The following POLR3H variants were observed in gnomAD, a reference collection of about 807,000 sequenced individuals.
POLR3H encodes the protein DNA-directed RNA polymerase III subunit RPC8.
Under a neutral mutation model 25.5 loss-of-function variants are expected in POLR3H, and 17 were observed. That is an observed-to-expected ratio of 0.67 (90% CI 0.46 to 1.00). The LOEUF is 1.00. POLR3H is among the 50% of genes least tolerant of loss of function. The pLI is 0.00. For synonymous variants in POLR3H, 129 were observed against 103.0 expected (o/e 1.25, Z -1.53); for missense variants, 274 against 265.0 (o/e 1.03, Z -0.24).
chr22:41,527,329 C>T lies in POLR3H; in HGVS notation c.*1954G>A, dbSNP rs747282200. On this transcript the variant is annotated 3_prime_UTR_variant, in exon 6 of 6. Transcript: ENST00000355209. The stretch of plus-strand genomic sequence containing the variant: ...GGGTGGTGATCGGAGACGAGAACTA[C>T]GGCGAGGGCTCGAGCCGGGAGCATG... 4.3e-5 allele frequency: 69 copies of T among 1,614,040 alleles called. No individual in the cohort carries two copies. The highest frequency in any genetic ancestry group is 1.6e-4 in the Middle Eastern group (1 of 6,076).
chr22:41,527,599 G>GCTTCCCGC lies in POLR3H; in HGVS notation c.*1676_*1683dup. ...TGCACATCCGACGCTCAGCTTCCCGGCTTCCCGCAGGCCCTGCTTCCAGGC... is the reference window on the plus strand; with the variant it reads ...TGCACATCCGACGCTCAGCTTCCCGGCTTCCCGCCTTCCCGCAGGCCCTGCTTCCAGGC... On this transcript the variant is annotated 3_prime_UTR_variant, in exon 6 of 6. Transcript: ENST00000355209. 4.3e-6 allele frequency: 4 copies of GCTTCCCGC among 923,322 alleles called. No individual in the cohort carries two copies. Among genetic ancestry groups the GCTTCCCGC allele is most frequent in the Non-Finnish European group, 6.3e-6 (4 of 630,518 alleles). 57.2% of individuals were successfully genotyped at this position (923,322 alleles called of 1,614,324 possible).
Position 41,544,278 on chromosome 22 carries a change from C to T in POLR3H, c.-177G>A. On this transcript the variant is annotated 5_prime_UTR_variant, in exon 1 of 6. It removes an upstream start codon present in the reference 5' UTR. Transcript: ENST00000355209. ...TCCGGGCCATGCTCCGCTACTACAA[C>T]ATGAGGAAACTGAGGCCAGAGGGAG... 1 of 560,818 alleles carries T rather than the reference C, an allele frequency of 1.8e-6. No homozygotes were observed. Among genetic ancestry groups the T allele is most frequent in the Non-Finnish European group, 3.2e-6 (1 of 314,098 alleles). The allele number at this position is 560,818 out of a possible 1,614,324, so 34.7% of individuals were successfully genotyped here.
Position 41,538,228 on chromosome 22 carries a change from G to T in POLR3H, c.208+2471C>A, listed in dbSNP as rs191439279. ...GGTTCACTGCAAGCTCCGCCTCCTG[G>T]GTTCACTCCATTCTCCTGCCTCAGC... On this transcript the variant is annotated intron_variant, in intron 2 of 5. Transcript: ENST00000355209. Among the ~76,000 whole-genome samples, 369 of 151,694 alleles carry T rather than the reference G, an allele frequency of 2.4e-3. 6 individuals are homozygous for T. The highest frequency in any genetic ancestry group is 0.024 in the South Asian group (114 of 4,792).
rs556356702 is a variant in POLR3H at position 41,526,666 on chromosome 22, CAGG to C, written c.*2614_*2616del. ...CGGTGGTACAGCCGGGTCCCTGCAC[CAGG>C]AGGAGTTAGTGAGAGATATCTTAGG... is the stretch of plus-strand genomic sequence containing the variant. On this transcript the variant is annotated 3_prime_UTR_variant, in exon 6 of 6. Coordinates refer to ENST00000355209, the MANE Select transcript of POLR3H (RefSeq NM_001018050.4). The C allele has an allele frequency of 4.4e-5, 23 of 518,666 alleles. No homozygotes were observed. The highest frequency in any genetic ancestry group is 2.1e-4 in the African/African-American group (11 of 52,366). The allele number at this position is 518,666 out of a possible 1,614,324, so 32.1% of individuals were successfully genotyped here. A position where few individuals can be genotyped will look rare whatever the true frequency, so the allele number is the denominator to read the frequency against.
In POLR3H at chr22:41,529,048, T is replaced by C. The variant is rs996146606; in HGVS notation, c.*235A>G. On this transcript the variant is annotated 3_prime_UTR_variant, in exon 6 of 6. Transcript: ENST00000355209. ...CAGGGTCCAGGAAGGGTCTTTTCAG[T>C]CAAGGTCAGTGGAGGCCCAACAGCC... The C allele has an allele frequency of 3.3e-5, 19 of 568,424 alleles. No individual in the cohort carries two copies. Among genetic ancestry groups the C allele is most frequent in the Admixed American group, 1.6e-4 (5 of 30,646 alleles). 35.2% of individuals were successfully genotyped at this position (568,424 alleles called of 1,614,324 possible).
chr22:41,544,324 C>G lies in POLR3H; in HGVS notation c.-223G>C. On this transcript the variant is annotated 5_prime_UTR_variant, in exon 1 of 6. Transcript: ENST00000355209. ...GGGAGGCACTCTCCGTCCACAGCTC[C>G]GGGTGCGCGCCCGCGCCGCGAGACC... 2.3e-6 allele frequency: 1 copy of G among 434,630 alleles called. No homozygotes were observed. The highest frequency in any genetic ancestry group is 4.1e-6 in the Non-Finnish European group (1 of 244,244). The allele number at this position is 434,630 out of a possible 1,614,324, so 26.9% of individuals were successfully genotyped here. A position where few individuals can be genotyped will look rare whatever the true frequency, so the allele number is the denominator to read the frequency against.
rs79253077 is a variant in POLR3H, at chr22:41,544,377, G to T, written c.-276C>A. 0.028 allele frequency: 8,925 copies of T among 317,548 alleles called. 633 individuals are homozygous for T. The highest frequency in any genetic ancestry group is 0.22 in the Admixed American group (3,901 of 17,430). 19.7% of individuals were successfully genotyped at this position (317,548 alleles called of 1,614,324 possible). A position where few individuals can be genotyped will look rare whatever the true frequency, so the allele number is the denominator to read the frequency against. On this transcript the variant is annotated 5_prime_UTR_variant, in exon 1 of 6. Transcript: ENST00000355209. ...GCCACGCCACGCCACTCCACGCCAC[G>T]CCACTCCACGCCCCGCACCCGCGCC...
rs1288820442 is a variant in POLR3H, at chr22:41,529,219, T to C, written c.*64A>G. On this transcript the variant is annotated 3_prime_UTR_variant, in exon 6 of 6. Coordinates refer to ENST00000355209, the MANE Select transcript of POLR3H (RefSeq NM_001018050.4). ...CCTTAGCATCGGCCTCAGCTGCTGTTGTCTTCACAGCCGGCCATACCACCT... is the reference window on the plus strand; with the variant it reads ...CCTTAGCATCGGCCTCAGCTGCTGTCGTCTTCACAGCCGGCCATACCACCT... The C allele has an allele frequency of 7.0e-7, 1 of 1,436,222 alleles. No homozygotes were observed. The allele number at this position is 1,436,222 out of a possible 1,614,324, so 89.0% of individuals were successfully genotyped here.
chr22:41,541,951 G>A (rs1239105391), intron 1 of POLR3H, among the ~76,000 whole-genome samples: 25 of 152,116 alleles, frequency 1.6e-4, no homozygotes, highest in Non-Finnish European at 4.4e-5. Flanking sequence ...GATGCTCCAC[G>A]GATAAAGACC....
chr22:41,532,372 A>G (rs887446324), intron 3 of POLR3H, among the ~76,000 whole-genome samples: 5 of 152,230 alleles, frequency 3.3e-5, no homozygotes, highest in African/African-American at 1.2e-4. Context: ...CCTAGTCCCC[A>G]AAACCTCTGC....
chr22:41,531,642 G>A (rs2066737731), intron 4 of POLR3H, among the ~76,000 whole-genome samples: 1 of 152,276 alleles, frequency 6.6e-6, no homozygotes. Flanking sequence ...AGTACAGCAA[G>A]GTGAGGGGTG....
rs770468299 is a variant in POLR3H, at chr22:41,526,469, TA to T, written c.*2813del. 5.0e-5 allele frequency: 81 copies of T among 1,605,250 alleles called. No individual in the cohort carries two copies. The highest frequency in any genetic ancestry group is 6.8e-5 in the Non-Finnish European group (80 of 1,174,342). ...CTACTACAAGGTGGGTCAGAGTTGA[TA>T]GGGGCAATGCCAGTGGTCACTCCTG... On this transcript the variant is annotated 3_prime_UTR_variant, in exon 6 of 6. Coordinates refer to ENST00000355209, the MANE Select transcript of POLR3H (RefSeq NM_001018050.4).
At chr22:41,531,970 G>A in intron 4 of POLR3H, 124 bp downstream of exon 4, 3 of 802,468 alleles carry the variant, frequency 3.7e-6, no homozygotes, top group Non-Finnish European at 4.2e-6. Context: ...GCACAGGCGA[G>A]GGGCAGGCAC....
chr22:41,541,225 C>G (rs2066924094), intron 1 of POLR3H, among the ~76,000 whole-genome samples: 1 of 152,190 alleles, frequency 6.6e-6, no homozygotes, highest in African/African-American at 2.4e-5. Flanking sequence ...TAGTGAGGAC[C>G]AGTGACAGGA....
At chr22:41,537,372 A>C (rs1483896515) in intron 2 of POLR3H, among the ~76,000 whole-genome samples, 1 of 152,198 alleles carries the variant, frequency 6.6e-6, no homozygotes, top group African/African-American at 2.4e-5. Flanking sequence ...TATTCCTCTG[A>C]GCAAAGGTGA....
intron 2 of POLR3H, among the ~76,000 whole-genome samples, chr22:41,534,132 G>A (rs539838638): frequency 5.3e-5 from 8 of 150,242 alleles, no homozygotes; most frequent in Non-Finnish European, 8.9e-5. Context: ...GCAAGACTCC[G>A]TCTCAAAAAA....
intron 4 of POLR3H, among the ~76,000 whole-genome samples, chr22:41,531,366 G>A (rs1440651943): frequency 6.6e-6 from 1 of 152,250 alleles, no homozygotes; most frequent in Non-Finnish European, 1.5e-5. Flanking sequence ...GCCGGGCTGC[G>A]CCAGGTTTTC....
In POLR3H at chr22:41,526,404, C is replaced by T; in HGVS notation, c.*2879G>A. 4 of 1,613,878 alleles carry T rather than the reference C, an allele frequency of 2.5e-6. No homozygotes were observed. Among genetic ancestry groups the T allele is most frequent in the Non-Finnish European group, 1.7e-6 (2 of 1,179,986 alleles). ...GGCAAGGCCAACTCCGTGCGCAATG[C>T]CGTCACTCAGGAGTTTGGCCCCGTC... is the stretch of plus-strand genomic sequence containing the variant. On this transcript the variant is annotated 3_prime_UTR_variant, in exon 6 of 6. Coordinates refer to ENST00000355209, the MANE Select transcript of POLR3H (RefSeq NM_001018050.4).
In POLR3H at chr22:41,527,495, G is replaced by A. The variant is rs1306156205; in HGVS notation, c.*1788C>T. 14 of 1,538,062 alleles carry A rather than the reference G, an allele frequency of 9.1e-6. No homozygotes were observed. The African/African-American group carries it at 1.1e-4, about 12-fold the overall frequency. On this transcript the variant is annotated 3_prime_UTR_variant, in exon 6 of 6. Transcript: ENST00000355209. Reference sequence around the variant, plus strand: ...AAGGTCACTCTCCCTGCCCGTGGCTGAGTTGGGCCTGGTTCTAGGCTGTGT... The same window carrying A: ...AAGGTCACTCTCCCTGCCCGTGGCTAAGTTGGGCCTGGTTCTAGGCTGTGT...
Sources: allele counts gnomAD v4.1 joint callset (sites outside exome capture counted in the v4.1 genomes callset), GRCh38; gene constraint gnomAD v4.1.1; transcripts MANE v1.5; gene names NCBI Gene and HGNC (gene_info 2026-07-23, HGNC 2026-07-21).